The following RIMS1 variants were observed in gnomAD, a reference collection of about 807,000 sequenced individuals.
RIMS1 encodes regulating synaptic membrane exocytosis 1.
Under a neutral mutation model 214.1 loss-of-function variants are expected in RIMS1, and 83 were observed. The ratio of observed to expected loss-of-function variants is 0.39; its 90% CI spans 0.32 to 0.47. RIMS1 has a LOEUF of 0.47. Ranked by LOEUF, RIMS1 falls within the 20% of genes least tolerant of loss-of-function variation. The pLI, the probability that RIMS1 is intolerant of heterozygous loss-of-function variation, is 0.99. For missense variants in RIMS1, 2,050 were observed against 2,161.8 expected, an observed-to-expected ratio of 0.95 and a Z score of 1.03; for synonymous variants, 793 against 786.8, an observed-to-expected ratio of 1.01 and a Z score of -0.13.
chr6:71,886,551 A>C lies in RIMS1; in HGVS notation c.-473A>C, dbSNP rs1223708317. On this transcript the variant is annotated 5_prime_UTR_variant, in exon 1 of 34. Coordinates refer to ENST00000521978, the MANE Select transcript of RIMS1 (RefSeq NM_014989.7). ...TCTCCCTCTCCCTCCCGCAGCCCCA[A>C]ATTGGAGGCAGCAGAGCCTGGGAGC... 1.3e-5 allele frequency among the ~76,000 whole-genome samples: 2 copies of C among 151,972 alleles called. No homozygotes were observed. The highest frequency in any genetic ancestry group is 2.9e-5 in the Non-Finnish European group (2 of 67,828).
intron 7 of RIMS1, among the ~76,000 whole-genome samples, chr6:72,234,276 A>G (rs910083161): frequency 1.3e-5 from 2 of 152,042 alleles, no homozygotes; most frequent in African/African-American, 4.8e-5. Context: ...TAAGCCAAGG[A>G]TGGAGTCCAC....
At chr6:72,264,376 A>G (rs936563392) in intron 19 of RIMS1, among the ~76,000 whole-genome samples, 2 of 152,066 alleles carry the variant, frequency 1.3e-5, no homozygotes, top group Admixed American at 1.3e-4. Context: ...TGCCTATCTT[A>G]CCCTACTTCC....
chr6:72,184,030 A>G (rs1675369964), intron 6 of RIMS1, among the ~76,000 whole-genome samples: 1 of 152,230 alleles, frequency 6.6e-6, no homozygotes, highest in South Asian at 2.1e-4. Flanking sequence ...TAATTTCCTT[A>G]GCCTCTTCCA....
At chr6:72,218,524 T>C (rs2057215014) in intron 6 of RIMS1, among the ~76,000 whole-genome samples, 1 of 152,196 alleles carries the variant, frequency 6.6e-6, no homozygotes, top group Admixed American at 6.6e-5. Context: ...AAATACTAGT[T>C]AATGTTTGTG....
chr6:72,278,950 T>C (rs1409253120), intron 23 of RIMS1, among the ~76,000 whole-genome samples: 1 of 152,078 alleles, frequency 6.6e-6, no homozygotes, highest in African/African-American at 2.4e-5. Flanking sequence ...ATTCTTATGA[T>C]ATCAGTGTTA....
Position 72,250,457 on chromosome 6 carries a change from G to C in RIMS1, c.2369G>C (p.Arg790Thr). The change falls in exon 13 of 34, where the codon AGA becomes ACA. Residue 790 changes from arginine to threonine, a missense_variant. Coordinates refer to ENST00000521978, the MANE Select transcript of RIMS1 (RefSeq NM_014989.7). ...GTAAAAATGTATTTTCTTCCAGATA[G>C]AAGGTAGTGAATAATTTTAGAAAAA... ...PYVKMYFLPD[R>T]SDKSKRRTKT... 3 of 1,565,966 alleles carry C rather than the reference G, an allele frequency of 1.9e-6. No homozygotes were observed. Among genetic ancestry groups the C allele is most frequent in the Non-Finnish European group, 2.6e-6 (3 of 1,150,568 alleles).
chr6:72,079,349 G>T (rs373519173), intron 2 of RIMS1, among the ~76,000 whole-genome samples: 211 of 152,256 alleles, frequency 1.4e-3, no homozygotes, highest in African/African-American at 4.8e-3. Flanking sequence ...TATAGTGATT[G>T]CCAGGTTTCA....
At chr6:72,118,461 C>A (rs2037533158) in intron 4 of RIMS1, among the ~76,000 whole-genome samples, 1 of 151,482 alleles carries the variant, frequency 6.6e-6, no homozygotes. Context: ...TGGAATCCTC[C>A]CTAAACGTTC....
rs1359481392 is a variant in RIMS1 at position 72,088,750 on chromosome 6, G to A, written c.246-8199G>A. Among the ~76,000 whole-genome samples the A allele has an allele frequency of 2.6e-5, 4 of 152,232 alleles. No individual in the cohort carries two copies. In the East Asian group the frequency reaches 7.7e-4, roughly 29 times the overall value. On this transcript the variant is annotated intron_variant, in intron 2 of 33. Coordinates refer to ENST00000521978, the MANE Select transcript of RIMS1 (RefSeq NM_014989.7). ...AGTTTTGAAAATGCATAGTTTTTTA[G>A]TAATACTAATTTTCTATGAACTTTT...
intron 2 of RIMS1, among the ~76,000 whole-genome samples, chr6:71,975,993 T>C (rs1797038880): frequency 6.6e-6 from 1 of 152,138 alleles, no homozygotes; most frequent in Non-Finnish European, 1.5e-5. Context: ...TTTTTGACTA[T>C]ATTATTAATA....
intron 1 of RIMS1, among the ~76,000 whole-genome samples, chr6:71,946,498 C>T (rs1787846421): frequency 6.6e-6 from 1 of 152,140 alleles, no homozygotes; most frequent in Non-Finnish European, 1.5e-5. Flanking sequence ...GTCAATTTGT[C>T]TTTGACAAAG....
At chr6:72,114,429 C>T (rs2036678727) in intron 4 of RIMS1, among the ~76,000 whole-genome samples, 1 of 151,878 alleles carries the variant, frequency 6.6e-6, no homozygotes, top group Admixed American at 6.6e-5. Context: ...AGGGCACATA[C>T]CTCAGAGCTC....
intron 6 of RIMS1, among the ~76,000 whole-genome samples, chr6:72,195,940 T>C (rs2050787525): frequency 6.6e-6 from 1 of 152,028 alleles, no homozygotes. Context: ...AACTGTCAGA[T>C]ACTTATAAAA....
chr6:72,062,483 T>C (rs1321338614), intron 2 of RIMS1, among the ~76,000 whole-genome samples: 1 of 152,212 alleles, frequency 6.6e-6, no homozygotes, highest in East Asian at 1.9e-4. Context: ...ACCCCGTTTT[T>C]TCTAAAGAAT....
At chr6:71,911,019 G>A (rs1360177934) in intron 1 of RIMS1, among the ~76,000 whole-genome samples, 1 of 152,058 alleles carries the variant, frequency 6.6e-6, no homozygotes. Context: ...TCTAATTTAG[G>A]CATTAGGTTC....
chr6:71,996,765 C>A (rs1286808215), intron 2 of RIMS1, among the ~76,000 whole-genome samples: 1 of 151,754 alleles, frequency 6.6e-6, no homozygotes, highest in Non-Finnish European at 1.5e-5. Flanking sequence ...GGCAACACAA[C>A]CTTGGAGATC....
At chr6:72,193,297 C>A (rs183988368) in intron 6 of RIMS1, among the ~76,000 whole-genome samples, 14 of 152,246 alleles carry the variant, frequency 9.2e-5, no homozygotes, top group Admixed American at 9.2e-4. Context: ...TAGTGTTAAA[C>A]CTGTGCATCT....
intron 23 of RIMS1, among the ~76,000 whole-genome samples, chr6:72,282,806 T>C (rs1179769543): frequency 6.6e-6 from 1 of 152,074 alleles, no homozygotes; most frequent in East Asian, 1.9e-4. Flanking sequence ...TTCCAACTGG[T>C]AAGGGAATAT....
At chr6:72,245,890 A>G (rs765307789) in intron 11 of RIMS1, 29 bp downstream of exon 11, 2 of 1,471,696 alleles carry the variant, frequency 1.4e-6, no homozygotes, top group Non-Finnish European at 1.9e-6. Context: ...TGTTATTATA[A>G]AAGTATTGAA....
Sources: gnomAD v4.1 joint callset for allele counts (sites outside exome capture counted in the v4.1 genomes callset) on GRCh38, gnomAD v4.1.1 for gene constraint, MANE v1.5 for transcripts, NCBI Gene and HGNC (gene_info 2026-07-23, HGNC 2026-07-21) for gene names.